NASP: variants seen among roughly 807,000 people sequenced by gnomAD.
NASP encodes the protein nuclear autoantigenic sperm protein.
Under a neutral mutation model 89.5 loss-of-function variants are expected in NASP, and 24 were observed. The ratio of observed to expected loss-of-function variants is 0.27; its 90% CI spans 0.19 to 0.38. NASP has a LOEUF of 0.38. Ranked by LOEUF, NASP falls within the 10% of genes least tolerant of loss-of-function variation. The probability of loss-of-function intolerance (pLI) is 1.00; values close to 1 mark genes in which losing one functional copy is unlikely to be tolerated. For synonymous variants in NASP, 306 were observed against 324.7 expected (o/e 0.94, Z 0.62); for missense variants, 848 against 921.4 (o/e 0.92, Z 1.03).
At chr1:45,617,293 C>T (rs2991989) in intron 13 of NASP, 170 bp from the exon 14 acceptor site, 473,327 of 666,662 alleles carry the variant, frequency 0.71, 168,760 homozygotes, top group African/African-American at 0.76. Flanking sequence ...CAGATTAATA[C>T]ATTCTGAGAG....
At chr1:45,594,569 A>C (rs1643641845) in intron 2 of NASP, 1 of 365,086 alleles carries the variant, frequency 2.7e-6, no homozygotes, top group Non-Finnish European at 5.7e-6. Flanking sequence ...CAGTGGAGCG[A>C]TCGTGGCTCA....
chr1:45,591,265 G>A lies in NASP; in HGVS notation c.102G>A (p.Val34=). The A allele has an allele frequency of 6.5e-7, 1 of 1,538,196 alleles. No individual in the cohort carries two copies. Among genetic ancestry groups the A allele is most frequent in the Non-Finnish European group, 8.8e-7 (1 of 1,140,178 alleles). The change falls in exon 2 of 15, where the codon GTG becomes GTA. Residue 34 remains valine, a synonymous_variant. Coordinates refer to ENST00000350030, the MANE Select transcript of NASP (RefSeq NM_002482.4). The part of the protein sequence containing the change: ...VPAPSTSADK[V]ESLDVDSEAK... ...CTCCTTCTACATCTGCAGATAAAGT[G>A]GAGAGGTAAGATTATTTACATGGTA...
chr1:45,609,527 A>G (rs916120484), intron 6 of NASP: 3 of 152,096 alleles, frequency 2.0e-5, no homozygotes, highest in Admixed American at 1.3e-4. Context: ...CACACACACA[A>G]AAAAACAAAA....
chr1:45,602,424 C>T, intron 3 of NASP, 59 bp downstream of exon 3: 3 of 1,482,812 alleles, frequency 2.0e-6, no homozygotes, highest in Non-Finnish European at 2.8e-6. Flanking sequence ...CTTGAGTTAT[C>T]AAAAATTATT....
chr1:45,617,941 T>C (rs1041050186), intron 14 of NASP, 120 bp from the exon 15 acceptor site: 6 of 823,900 alleles, frequency 7.3e-6, no homozygotes, highest in African/African-American at 3.4e-5. Flanking sequence ...CCTCTTAATA[T>C]AGGGAGCAAA....
At chr1:45,587,868 C>A (rs1369734986) in intron 1 of NASP, among the ~76,000 whole-genome samples, 1 of 150,218 alleles carries the variant, frequency 6.7e-6, no homozygotes, top group East Asian at 2.0e-4. Flanking sequence ...GTCCTGTAAT[C>A]GCTTGAAACC....
intron 2 of NASP, among the ~76,000 whole-genome samples, chr1:45,597,791 C>T (rs1430565836): frequency 2.0e-5 from 3 of 152,168 alleles, no homozygotes; most frequent in Admixed American, 1.3e-4. Flanking sequence ...TCACAAGATC[C>T]CACTCATTAT....
chr1:45,594,257 A>C (rs1419280490), intron 2 of NASP, among the ~76,000 whole-genome samples: 2 of 151,390 alleles, frequency 1.3e-5, no homozygotes, highest in Non-Finnish European at 2.9e-5. Context: ...TGAACCCGGG[A>C]GGTGGAAGTT....
chr1:45,584,356 C>A, intron 1 of NASP, 151 bp downstream of exon 1: 1 of 705,104 alleles, frequency 1.4e-6, no homozygotes, highest in Non-Finnish European at 2.3e-6. Context: ...GTCACTGGAG[C>A]AGTCCTTCTT....
intron 3 of NASP, among the ~76,000 whole-genome samples, chr1:45,603,013 T>C (rs1643871413): frequency 1.3e-5 from 2 of 152,224 alleles, no homozygotes; most frequent in Admixed American, 6.5e-5. Flanking sequence ...GATAGTGCTA[T>C]TATTAGCACA....
At chr1:45,606,391 G>T in intron 4 of NASP, 91 bp from the exon 5 acceptor site, 1 of 830,962 alleles carries the variant, frequency 1.2e-6, no homozygotes, top group Non-Finnish European at 2.0e-6. Flanking sequence ...TACACTTCTT[G>T]CTTTTATAAT....
In NASP at chr1:45,608,498, CAAGT is replaced by C. The variant is rs1274593014; in HGVS notation, c.1426+166_1426+169del. 2.6e-5 allele frequency: 18 copies of C among 687,778 alleles called. No homozygotes were observed. The East Asian group carries it at 3.8e-4, about 15-fold the overall frequency. The allele number at this position is 687,778 out of a possible 1,614,324, so 42.6% of individuals were successfully genotyped here. On this transcript the variant is annotated intron_variant, in intron 6 of 14. Coordinates refer to ENST00000350030, the MANE Select transcript of NASP (RefSeq NM_002482.4). Reference sequence around the variant, plus strand: ...GGTAGTTTAACAAGGTCGTGATAGTCAAGTAAGTTCAATCAAAAGCAGCAAGTCT... The same window carrying C: ...GGTAGTTTAACAAGGTCGTGATAGTCAAGTTCAATCAAAAGCAGCAAGTCT...
At chr1:45,594,628 T>A in intron 2 of NASP, 1 of 429,208 alleles carries the variant, frequency 2.3e-6, no homozygotes, top group South Asian at 1.7e-5. Flanking sequence ...TGCCTTAGAC[T>A]CCTGGGTAGC....
chr1:45,614,201 T>G lies in NASP; in HGVS notation c.1592+20T>G. On this transcript the variant is annotated intron_variant, in intron 8 of 14. Coordinates refer to ENST00000350030, the MANE Select transcript of NASP (RefSeq NM_002482.4). ...TAAAAGGTAAAACTCTTGGTGCTTC[T>G]AGGCTTGGGTTGGGAGTTTGGTGGT... 1 of 1,603,490 alleles carries G rather than the reference T, an allele frequency of 6.2e-7. No individual in the cohort carries two copies.
chr1:45,613,893 A>T (rs1274243046), intron 7 of NASP, among the ~76,000 whole-genome samples: 1 of 98,322 alleles, frequency 1.0e-5, no homozygotes, highest in East Asian at 2.7e-4. Flanking sequence ...CTTGTGTGTT[A>T]GTATGTGAGC....
At chr1:45,617,423 A>G (rs1644125275) in intron 13 of NASP, 40 bp from the exon 14 acceptor site, 1 of 1,593,442 alleles carries the variant, frequency 6.3e-7, no homozygotes, top group Non-Finnish European at 8.5e-7. Flanking sequence ...TTTTAAAAAC[A>G]TTAAGCACAT....
intron 1 of NASP, among the ~76,000 whole-genome samples, chr1:45,587,970 G>T (rs1212573932): frequency 6.6e-6 from 1 of 151,490 alleles, no homozygotes; most frequent in Admixed American, 6.6e-5. Flanking sequence ...GCCAGGTGGT[G>T]TGGCTCACGT....
chr1:45,594,258 G>C lies in NASP; in HGVS notation c.107+2988G>C, dbSNP rs113374364. Among the ~76,000 whole-genome samples the C allele has an allele frequency of 8.0e-4, 122 of 152,016 alleles. 1 individual carries two copies. The highest frequency in any genetic ancestry group is 2.9e-3 in the African/African-American group (121 of 41,480). ...GCAGAAGAATCACTTGAACCCGGGA[G>C]GTGGAAGTTGCAGTCAGCCAAGATC... is the stretch of plus-strand genomic sequence containing the variant. On this transcript the variant is annotated intron_variant, in intron 2 of 14. Transcript: ENST00000350030.
chr1:45,599,049 A>T (rs1337716197), intron 2 of NASP, among the ~76,000 whole-genome samples: 1 of 152,128 alleles, frequency 6.6e-6, no homozygotes, highest in African/African-American at 2.4e-5. Flanking sequence ...AACCCTCTCT[A>T]ATACTCCTCA....
Sources: gnomAD v4.1 joint callset for allele counts (sites outside exome capture counted in the v4.1 genomes callset) on GRCh38, gnomAD v4.1.1 for gene constraint, MANE v1.5 for transcripts, NCBI Gene and HGNC (gene_info 2026-07-23, HGNC 2026-07-21) for gene names.